The following ADAMTSL2 variants were observed in gnomAD, a reference collection of about 807,000 sequenced individuals.
ADAMTSL2 encodes the protein ADAMTS like 2.
In ADAMTSL2, 55 loss-of-function variants were observed where a neutral mutation model predicts 117.0. That is an observed-to-expected ratio of 0.47 (90% CI 0.38 to 0.59). The LOEUF (loss-of-function observed/expected upper bound fraction) is 0.59. ADAMTSL2 is among the 20% of genes least tolerant of loss of function. The probability of loss-of-function intolerance (pLI) is 0.00; values close to 1 mark genes in which losing one functional copy is unlikely to be tolerated. For missense variants in ADAMTSL2, 1,182 were observed against 1,354.5 expected (o/e 0.87, Z 2.00); for synonymous variants, 572 against 566.4 (o/e 1.01, Z -0.14).
At chr9:133,552,733 C>T (rs754606339) in intron 9 of ADAMTSL2, among the ~76,000 whole-genome samples, 9 of 152,132 alleles carry the variant, frequency 5.9e-5, no homozygotes, top group African/African-American at 1.9e-4. Context: ...CATCCAGACT[C>T]GGATGGCAGA....
At chr9:133,564,596 G>GA (rs1355858993) in intron 12 of ADAMTSL2, among the ~76,000 whole-genome samples, 22 of 57,890 alleles carry the variant, frequency 3.8e-4, no homozygotes, top group Non-Finnish European at 4.5e-4. Context: ...GAGAGAGAGG[G>GA]GGAGAGAGAG....
chr9:133,551,812 C>CTTTTTTTT (rs56225051), intron 9 of ADAMTSL2, among the ~76,000 whole-genome samples: 30 of 111,090 alleles, frequency 2.7e-4, no homozygotes, highest in African/African-American at 8.0e-4. Context: ...AAAGCAGCAG[C>CTTTTTTTT]TTTTTTTTTT....
chr9:133,536,842 C>T lies in ADAMTSL2; in HGVS notation c.90+40C>T, dbSNP rs756165826. 9 of 1,613,332 alleles carry T rather than the reference C, an allele frequency of 5.6e-6. No individual in the cohort carries two copies. In the East Asian group the frequency reaches 1.1e-4, roughly 20 times the overall value. ...GTGGTCTGAGGGCCCATGCCAGTCC[C>T]CTACCCAGGTGCTGTGATCACTCTC... On this transcript the variant is annotated intron_variant, in intron 2 of 18. Transcript: ENST00000651351.
At position 133,574,725 on chromosome 9, in the gene ADAMTSL2, C is replaced by T. The variant is rs979273293; in HGVS notation, c.2738-21C>T. On this transcript the variant is annotated intron_variant, in intron 18 of 18. Transcript: ENST00000651351. ...GCCACCTCCTGAAACTGCCCTGCTT[C>T]GCTCTGTGTTCCTTCTCCAGATGAC... The T allele has an allele frequency of 2.2e-5, 36 of 1,607,008 alleles. No homozygotes were observed. In the African/African-American group the frequency reaches 3.3e-4, roughly 15 times the overall value.
At position 133,558,524 on chromosome 9, in the gene ADAMTSL2, C is replaced by T. The variant is rs1030942826; in HGVS notation, c.1649+2594C>T. 6.3e-4 allele frequency among the ~76,000 whole-genome samples: 96 copies of T among 152,346 alleles called. No individual in the cohort carries two copies. Among genetic ancestry groups the T allele is most frequent in the African/African-American group, 2.1e-3 (88 of 41,584 alleles). On this transcript the variant is annotated intron_variant, in intron 11 of 18. Coordinates refer to ENST00000651351, the MANE Select transcript of ADAMTSL2 (RefSeq NM_014694.4). This position sits in a 1 kb window ranked among gnomAD's most constrained non-coding sequence, Gnocchi z 4.3. Reference sequence around the variant, plus strand: ...GACACAGAGACGCGGAGTCCCTCTCCGCAGCCTTGGGGGGAGAGAAGAACA... The same window carrying T: ...GACACAGAGACGCGGAGTCCCTCTCTGCAGCCTTGGGGGGAGAGAAGAACA...
rs370628720 is a variant in ADAMTSL2 at position 133,558,534 on chromosome 9, G to T, written c.1649+2604G>T. Among the ~76,000 whole-genome samples, 8 of 152,328 alleles carry T rather than the reference G, an allele frequency of 5.3e-5. No individual in the cohort carries two copies. The highest frequency in any genetic ancestry group is 2.1e-4 in the South Asian group (1 of 4,826). ...CGCGGAGTCCCTCTCCGCAGCCTTG[G>T]GGGGAGAGAAGAACAGAGCACTTTC... On this transcript the variant is annotated intron_variant, in intron 11 of 18. Coordinates refer to ENST00000651351, the MANE Select transcript of ADAMTSL2 (RefSeq NM_014694.4). The surrounding 1 kb of genome is among the most constrained non-coding windows in gnomAD (Gnocchi z 4.3).
At chr9:133,533,347 C>G (rs1056811154), upstream of ADAMTSL2, among the ~76,000 whole-genome samples, 1 of 152,150 alleles carries the variant, frequency 6.6e-6, no homozygotes, top group African/African-American at 2.4e-5. Context: ...GTTGCCCCAG[C>G]AGGAGAATGA....
chr9:133,567,105 C>T (rs889643898), intron 13 of ADAMTSL2, 43 bp downstream of exon 13: 35 of 1,577,624 alleles, frequency 2.2e-5, no homozygotes, highest in Middle Eastern at 3.3e-4. Context: ...CGGCAGGGGG[C>T]GTGAGGGGCT....
intron 15 of ADAMTSL2, among the ~76,000 whole-genome samples, 170 bp downstream of exon 15, chr9:133,568,928 C>G (rs1463318563): frequency 6.6e-6 from 1 of 152,168 alleles, no homozygotes; most frequent in South Asian, 2.1e-4. Context: ...TCTCCAAACA[C>G]GTGGCCAGCA....
At position 133,540,759 on chromosome 9, in the gene ADAMTSL2, A is replaced by C. The variant is rs775217288; in HGVS notation, c.558+16A>C. 9.9e-6 allele frequency: 16 copies of C among 1,613,748 alleles called. No individual in the cohort carries two copies. The highest frequency in any genetic ancestry group is 1.7e-5 in the Admixed American group (1 of 60,030). On this transcript the variant is annotated intron_variant, in intron 6 of 18. Transcript: ENST00000651351. Reference sequence around the variant, plus strand: ...AAAATGTGAGGTTGTTAAACGTTGTAGCAAAAGTACCGCCGGTCTCACTGT... The same window carrying C: ...AAAATGTGAGGTTGTTAAACGTTGTCGCAAAAGTACCGCCGGTCTCACTGT...
chr9:133,557,001 G>C lies in ADAMTSL2; in HGVS notation c.1649+1071G>C, dbSNP rs914776230. ...GCAGGCACGGGCTCACTGGTGTTTG[G>C]TTTTGTTTTCTGAGGTCCAACCCAA... On this transcript the variant is annotated intron_variant, in intron 11 of 18. Coordinates refer to ENST00000651351, the MANE Select transcript of ADAMTSL2 (RefSeq NM_014694.4). This position sits in a 1 kb window ranked among gnomAD's most constrained non-coding sequence, Gnocchi z 5.2. Among the ~76,000 whole-genome samples the C allele has an allele frequency of 6.6e-6, 1 of 152,184 alleles. No homozygotes were observed. The highest frequency in any genetic ancestry group is 1.5e-5 in the Non-Finnish European group (1 of 68,024).
intron 9 of ADAMTSL2, among the ~76,000 whole-genome samples, chr9:133,553,260 C>T (rs111572906): frequency 0.013 from 2,023 of 152,226 alleles, 26 homozygotes; most frequent in Admixed American, 0.031. Context: ...GTCTCAAGGT[C>T]CCCCTCTTCT....
chr9:133,564,864 A>G (rs1257621512), intron 12 of ADAMTSL2, among the ~76,000 whole-genome samples: 2 of 151,978 alleles, frequency 1.3e-5, no homozygotes, highest in African/African-American at 4.8e-5. Context: ...TGTCCCATGG[A>G]TGGTCATTGG....
intron 11 of ADAMTSL2, among the ~76,000 whole-genome samples, chr9:133,556,549 A>G (rs1830608938): frequency 6.6e-6 from 1 of 152,198 alleles, no homozygotes; most frequent in Non-Finnish European, 1.5e-5. Context: ...AGAGCCTGAA[A>G]TCAGGGATGA....
At chr9:133,551,737 G>A (rs1830488036) in intron 9 of ADAMTSL2, among the ~76,000 whole-genome samples, 1 of 151,080 alleles carries the variant, frequency 6.6e-6, no homozygotes, top group South Asian at 2.1e-4. Context: ...TACGGCCCAT[G>A]TGGCGGGCTG....
At chr9:133,556,235 G>C (rs1299882987) in intron 11 of ADAMTSL2, among the ~76,000 whole-genome samples, 9 of 152,350 alleles carry the variant, frequency 5.9e-5, no homozygotes, top group African/African-American at 1.9e-4. Context: ...TAACAGCTCT[G>C]AGCATGCCTT....
chr9:133,562,378 G>A (rs371722041), intron 12 of ADAMTSL2, among the ~76,000 whole-genome samples: 2 of 152,348 alleles, frequency 1.3e-5, no homozygotes, highest in East Asian at 1.9e-4. Flanking sequence ...TGCTGTGTTC[G>A]CCCCTGCGCC....
At chr9:133,540,488 T>C in intron 5 of ADAMTSL2, 110 bp from the exon 6 acceptor site, 1 of 1,425,138 alleles carries the variant, frequency 7.0e-7, no homozygotes, top group East Asian at 2.5e-5. Flanking sequence ...CAGGCCTGAG[T>C]TGCCCCATCT....
chr9:133,570,207 T>C lies in ADAMTSL2; in HGVS notation c.2416-124T>C, dbSNP rs1052201705. 14 of 1,074,540 alleles carry C rather than the reference T, an allele frequency of 1.3e-5. No homozygotes were observed. The East Asian group carries it at 3.7e-4, about 28-fold the overall frequency. The allele number at this position is 1,074,540 out of a possible 1,614,324, so 66.6% of individuals were successfully genotyped here. The stretch of plus-strand genomic sequence containing the variant: ...CAAAGAGTTTCCAGCCAGTTTGTTA[T>C]GCACTGGAGCATTCTCACCCAATTG... On this transcript the variant is annotated intron_variant, in intron 16 of 18. Coordinates refer to ENST00000651351, the MANE Select transcript of ADAMTSL2 (RefSeq NM_014694.4).
Sources: gnomAD v4.1 joint callset for allele counts (sites outside exome capture counted in the v4.1 genomes callset) on GRCh38, gnomAD v4.1.1 for gene constraint, Gnocchi (gnomAD v3.1) non-coding constraint, MANE v1.5 for transcripts, NCBI Gene and HGNC (gene_info 2026-07-23, HGNC 2026-07-21) for gene names.